Variants in AFF2 observed in about 807,000 individuals in gnomAD.
AFF2 encodes ALF transcription elongation factor 2.
Under a neutral mutation model 76.9 loss-of-function variants are expected in AFF2, and 14 were observed. The ratio of observed to expected loss-of-function variants is 0.18; its 90% CI spans 0.12 to 0.28. The LOEUF (loss-of-function observed/expected upper bound fraction) is 0.28. AFF2 is among the 10% of genes least tolerant of loss of function. The pLI is 1.00. For missense variants in AFF2, 868 were observed against 1,001.1 expected, an observed-to-expected ratio of 0.87 and a Z score of 1.79; for synonymous variants, 398 against 366.7, an observed-to-expected ratio of 1.09 and a Z score of -0.98.
chrX:148,707,484 A>G (rs782119944), intron 3 of AFF2, among the ~76,000 whole-genome samples: 44 of 110,694 alleles, frequency 4.0e-4, no homozygotes, highest in Non-Finnish European at 5.7e-4. Flanking sequence ...AGAACTGAAA[A>G]TAATATATAT....
At chrX:148,907,649 C>T (rs2071422669) in intron 9 of AFF2, among the ~76,000 whole-genome samples, 1 of 111,479 alleles carries the variant, frequency 9.0e-6, no homozygotes, top group African/African-American at 3.3e-5. Flanking sequence ...AGATCACATG[C>T]TTCACAAGGT....
At chrX:148,864,030 G>A (rs2070878608) in intron 7 of AFF2, among the ~76,000 whole-genome samples, 1 of 111,202 alleles carries the variant, frequency 9.0e-6, no homozygotes, top group South Asian at 3.8e-4. Context: ...TCAAACTAGG[G>A]CTCAAAGATG....
Position 148,993,703 on chromosome X carries a change from T to C in AFF2, c.*2371T>C, listed in dbSNP as rs1228154233. ...GGAGGCAAGAGGATTCTCTGTCATC[T>C]CTGGTGACTGAGTGTAAAATATGTG... On this transcript the variant is annotated 3_prime_UTR_variant, in exon 21 of 21. Transcript: ENST00000370460. 1 of 112,217 alleles carries C rather than the reference T, an allele frequency of 8.9e-6. No individual in the cohort carries two copies. Among genetic ancestry groups the C allele is most frequent in the Non-Finnish European group, 1.9e-5 (1 of 53,288 alleles). The allele number at this position is 112,217 out of a possible 1,213,427, so 9.2% of individuals were successfully genotyped here. A position where few individuals can be genotyped will look rare whatever the true frequency, so the allele number is the denominator to read the frequency against.
chrX:148,509,800 C>T (rs2052463241), intron 1 of AFF2, among the ~76,000 whole-genome samples: 1 of 112,160 alleles, frequency 8.9e-6, no homozygotes, highest in South Asian at 3.7e-4. Context: ...TTGGTGCCTT[C>T]GTACTGTGTG....
chrX:148,630,059 A>G (rs782171240), intron 1 of AFF2, among the ~76,000 whole-genome samples: 86 of 111,939 alleles, frequency 7.7e-4, no homozygotes, highest in Non-Finnish European at 1.2e-3. Context: ...TGAAGCTGAT[A>G]CATTCCATTT....
intron 9 of AFF2, among the ~76,000 whole-genome samples, chrX:148,934,054 G>A (rs887579536): frequency 1.8e-5 from 2 of 112,321 alleles, no homozygotes; most frequent in Non-Finnish European, 3.8e-5. Flanking sequence ...TCTCATATCC[G>A]TGAAATCTGA....
At chrX:148,884,368 T>G (rs1202204370) in intron 7 of AFF2, among the ~76,000 whole-genome samples, 1 of 112,245 alleles carries the variant, frequency 8.9e-6, no homozygotes, top group Non-Finnish European at 1.9e-5. Context: ...GGGGGAGCTG[T>G]GCTTTTTTTG....
chrX:148,980,020 C>G (rs1346292734), intron 18 of AFF2, among the ~76,000 whole-genome samples: 1 of 111,835 alleles, frequency 8.9e-6, no homozygotes, highest in Non-Finnish European at 1.9e-5. Flanking sequence ...TTCCACCTGG[C>G]TAGGCCATTA....
intron 1 of AFF2, among the ~76,000 whole-genome samples, chrX:148,605,676 A>G (rs1263822143): frequency 8.9e-6 from 1 of 112,278 alleles, no homozygotes; most frequent in Non-Finnish European, 1.9e-5. Flanking sequence ...TGTCAAAAGG[A>G]CAAAGAACAC....
intron 9 of AFF2, among the ~76,000 whole-genome samples, chrX:148,905,315 T>C (rs781879552): frequency 1.8e-5 from 2 of 112,483 alleles, no homozygotes; most frequent in Admixed American, 1.9e-4. Context: ...TCAGGCTCTG[T>C]AACATCTAGA....
chrX:148,743,280 A>G (rs918946360), intron 3 of AFF2, among the ~76,000 whole-genome samples: 50 of 112,300 alleles, frequency 4.5e-4, no homozygotes, highest in Admixed American at 3.8e-3. Flanking sequence ...TCAAGCAGGT[A>G]TAATTCCATT....
intron 3 of AFF2, among the ~76,000 whole-genome samples, chrX:148,668,651 C>G (rs1275198583): frequency 8.9e-6 from 1 of 112,206 alleles, no homozygotes; most frequent in Admixed American, 9.4e-5. Flanking sequence ...AAGCTTAGCC[C>G]CTTTTAGCCA....
At chrX:148,825,974 A>G (rs1275716527) in intron 4 of AFF2, among the ~76,000 whole-genome samples, 1 of 109,713 alleles carries the variant, frequency 9.1e-6, no homozygotes. Flanking sequence ...CGGGTGGGGT[A>G]GAGTTCTCCT....
At chrX:148,846,473 CA>C (rs2070668833) in intron 7 of AFF2, among the ~76,000 whole-genome samples, 1 of 111,887 alleles carries the variant, frequency 8.9e-6, no homozygotes. Context: ...GCAGGTACAC[CA>C]ACAAACACTT....
chrX:148,842,476 A>G (rs1433425403), intron 5 of AFF2, among the ~76,000 whole-genome samples: 1 of 112,731 alleles, frequency 8.9e-6, no homozygotes, highest in Admixed American at 9.4e-5. Flanking sequence ...CATGTGTCAT[A>G]GAAAGTTGGA....
intron 1 of AFF2, among the ~76,000 whole-genome samples, chrX:148,611,621 G>A (rs2053734183): frequency 9.0e-6 from 1 of 111,059 alleles, no homozygotes; most frequent in Admixed American, 9.5e-5. Context: ...AGACAGACTG[G>A]GACAATCACT....
At chrX:148,978,118 T>C in intron 17 of AFF2, 114 bp downstream of exon 17, 1 of 553,250 alleles carries the variant, frequency 1.8e-6, no homozygotes, top group Non-Finnish European at 3.1e-6. Flanking sequence ...TCCATTAAAC[T>C]ATTAAAGGAT....
intron 1 of AFF2, among the ~76,000 whole-genome samples, chrX:148,562,906 A>T (rs1291487628): frequency 8.9e-6 from 1 of 111,925 alleles, no homozygotes; most frequent in Non-Finnish European, 1.9e-5. Context: ...CCACAAAGAA[A>T]GGCACAATCC....
At chrX:148,840,780 A>G (rs1157300406) in intron 5 of AFF2, among the ~76,000 whole-genome samples, 1 of 112,360 alleles carries the variant, frequency 8.9e-6, no homozygotes, top group Non-Finnish European at 1.9e-5. Flanking sequence ...ATGTAAAGTA[A>G]CTTTGGTGAT....
Sources: gnomAD v4.1 joint callset for allele counts (sites outside exome capture counted in the v4.1 genomes callset) on GRCh38, gnomAD v4.1.1 for gene constraint, MANE v1.5 for transcripts, NCBI Gene and HGNC (gene_info 2026-07-23, HGNC 2026-07-21) for gene names.